Variants in MYBPC2 observed in about 807,000 individuals in gnomAD.
The protein encoded by MYBPC2 is myosin binding protein C2.
In MYBPC2, 122 loss-of-function variants were observed where a neutral mutation model predicts 137.0. The observed-to-expected ratio is 0.89, with a 90% confidence interval of 0.77 to 1.03. The LOEUF is 1.03. MYBPC2 is among the 50% of genes least tolerant of loss of function. The pLI, the probability that MYBPC2 is intolerant of heterozygous loss-of-function variation, is 0.00. For missense variants in MYBPC2, 1,500 were observed against 1,534.4 expected, an observed-to-expected ratio of 0.98 and a Z score of 0.37; for synonymous variants, 626 against 612.3, an observed-to-expected ratio of 1.02 and a Z score of -0.33.
chr19:50,452,488 G>C (rs930155597), intron 16 of MYBPC2, among the ~76,000 whole-genome samples: 5 of 93,542 alleles, frequency 5.3e-5, no homozygotes, highest in African/African-American at 1.7e-4. Context: ...ATGTATGTAT[G>C]TATGTATGTA....
chr19:50,444,411 C>T (rs1220453729), intron 11 of MYBPC2, among the ~76,000 whole-genome samples: 5 of 152,322 alleles, frequency 3.3e-5, no homozygotes, highest in African/African-American at 1.2e-4. Context: ...AGCCATCCAT[C>T]GACCTATCAA....
intron 16 of MYBPC2, 43 bp from the exon 17 acceptor site, chr19:50,453,977 G>A (rs1889844840): frequency 6.5e-7 from 1 of 1,547,896 alleles, no homozygotes; most frequent in Non-Finnish European, 8.7e-7. Flanking sequence ...GGGTTTGCTT[G>A]GGGACACGAT....
At chr19:50,461,476 G>C in intron 24 of MYBPC2, 66 bp from the exon 25 acceptor site, 1 of 1,504,244 alleles carries the variant, frequency 6.6e-7, no homozygotes, top group Non-Finnish European at 9.1e-7. Context: ...TTTCGTCTGT[G>C]TCTTGTGTGT....
intron 26 of MYBPC2, among the ~76,000 whole-genome samples, chr19:50,463,343 C>T (rs746435901): frequency 2.0e-5 from 3 of 152,184 alleles, no homozygotes; most frequent in Non-Finnish European, 4.4e-5. Flanking sequence ...TTATTCGCTT[C>T]AGCCTCCTTA....
Position 50,452,000 on chromosome 19 carries a change from T to G in MYBPC2, c.1746T>G (p.Asp582Glu). The change falls in exon 16 of 28, where the codon GAT becomes GAG. Residue 582 changes from aspartate (D) to glutamate (E), a missense_variant. Transcript: ENST00000357701. ...PPPVATWLKGDEVFTTTEGRT... is the reference protein window; with the variant it reads ...PPPVATWLKGEEVFTTTEGRT... ...CCGTCGCTACCTGGCTGAAGGGAGA[T>G]GAGGTGGGTTGGGGCCGCCCCTCTG... 6.4e-7 allele frequency: 1 copy of G among 1,552,148 alleles called. No individual in the cohort carries two copies. Among genetic ancestry groups the G allele is most frequent in the Non-Finnish European group, 8.7e-7 (1 of 1,147,092 alleles).
At chr19:50,459,333 A>G (rs1601296771) in intron 23 of MYBPC2, 27 bp downstream of exon 23, 1 of 1,307,110 alleles carries the variant, frequency 7.7e-7, no homozygotes. Context: ...GGGCCCCTGG[A>G]GGCCGGGAGG....
At position 50,458,683 on chromosome 19, in the gene MYBPC2, T is replaced by C. The variant is rs770525477; in HGVS notation, c.2435T>C (p.Val812Ala). ...PTGARILFRVVGVNIAGRSEP... is the reference protein window; with the variant it reads ...PTGARILFRVAGVNIAGRSEP... ...GGAGCCAGAATCCTCTTCCGAGTAG[T>C]TGGGGTCAACATCGCGGGGCGCAGC... The change falls in exon 21 of 28, where the codon GTT (valine) becomes GCT (alanine). Residue 812 changes from valine (V) to alanine (A), a missense_variant. Val to Ala is a moderately conservative substitution (Grantham distance 64, BLOSUM62 0). Coordinates refer to ENST00000357701, the MANE Select transcript of MYBPC2 (RefSeq NM_004533.4). The C allele has an allele frequency of 2.1e-5, 34 of 1,612,094 alleles. No individual in the cohort carries two copies. The highest frequency in any genetic ancestry group is 5.5e-5 in the South Asian group (5 of 91,082).
chr19:50,461,163 C>T (rs1173640405), intron 24 of MYBPC2, among the ~76,000 whole-genome samples: 1 of 151,960 alleles, frequency 6.6e-6, no homozygotes, highest in Non-Finnish European at 1.5e-5. Flanking sequence ...GCCACCAGAC[C>T]TGGCTAATTT....
rs2039762439 is a variant in MYBPC2 at position 50,442,220 on chromosome 19, G to A, written c.809G>A (p.Arg270Lys). The A allele has an allele frequency of 6.2e-7, 1 of 1,602,050 alleles. No homozygotes were observed. The highest frequency in any genetic ancestry group is 2.2e-5 in the East Asian group (1 of 44,476). The change falls in exon 9 of 28, where the codon AGA becomes AAA. Residue 270 changes from arginine (R) to lysine (K), a missense_variant. Coordinates refer to ENST00000357701, the MANE Select transcript of MYBPC2 (RefSeq NM_004533.4). ...KKLDPAYQVDRGNKIKLMVEI... is the reference protein window; with the variant it reads ...KKLDPAYQVDKGNKIKLMVEI... ...CTGGATCCAGCCTACCAAGTGGACA[G>A]AGGCAACAAGATCAAGTTGATGGTA...
rs758717895 is a variant in MYBPC2, at chr19:50,442,318, G to A, written c.902+5G>A. 1 of 1,608,134 alleles carries A rather than the reference G, an allele frequency of 6.2e-7. No homozygotes were observed. The highest frequency in any genetic ancestry group is 8.5e-7 in the Non-Finnish European group (1 of 1,177,404). On this transcript the variant is annotated splice_donor_5th_base_variant and intron_variant, in intron 9 of 27. Transcript: ENST00000357701. Reference sequence around the variant, plus strand: ...GGAGATCAAACCAAGCAGCAAGTATGTGTGGGGTGGGCAGTCCCTGCACCG... The same window carrying A: ...GGAGATCAAACCAAGCAGCAAGTATATGTGGGGTGGGCAGTCCCTGCACCG...
In MYBPC2 at chr19:50,459,857, G is replaced by A. The variant is rs550064334; in HGVS notation, c.2792-183G>A. On this transcript the variant is annotated intron_variant, in intron 23 of 27. Coordinates refer to ENST00000357701, the MANE Select transcript of MYBPC2 (RefSeq NM_004533.4). Reference sequence around the variant, plus strand: ...GGGGTGAGGAGAGGAGGTGAGGAGGGATGAGGGTGGCCCAGGATAAGAGGA... The same window carrying A: ...GGGGTGAGGAGAGGAGGTGAGGAGGAATGAGGGTGGCCCAGGATAAGAGGA... Among the ~76,000 whole-genome samples the A allele has an allele frequency of 5.3e-5, 8 of 150,796 alleles. No individual in the cohort carries two copies. The South Asian group carries it at 1.7e-3, about 32-fold the overall frequency.
rs756159592 is a variant in MYBPC2 at position 50,436,731 on chromosome 19, G to A, written c.460G>A (p.Glu154Lys). The A allele has an allele frequency of 6.2e-7, 1 of 1,613,800 alleles. No homozygotes were observed. The highest frequency in any genetic ancestry group is 1.7e-5 in the Admixed American group (1 of 60,028). Residue 154 changes from glutamate (E) to lysine (K), a missense_variant, in exon 5 of 28, where the codon GAG becomes AAG. Physicochemically the swap from Glu to Lys is moderately conservative, Grantham distance 56. Coordinates refer to ENST00000357701, the MANE Select transcript of MYBPC2 (RefSeq NM_004533.4). ...CAGCTGTGGCTTCAACATCGATGTG[G>A]AGGGTATGCTGGTGGGGGATGCGGG... ...CDSCGFNIDV[E>K]APRQDASGQS...
intron 24 of MYBPC2, 110 bp from the exon 25 acceptor site, chr19:50,461,428 ATTTT>A: frequency 8.5e-7 from 1 of 1,180,252 alleles, no homozygotes. Flanking sequence ...CATGAGTGAC[ATTTT>A]TTTAAACACT....
At chr19:50,464,588 C>A in intron 27 of MYBPC2, 56 bp downstream of exon 27, 1 of 1,520,150 alleles carries the variant, frequency 6.6e-7, no homozygotes, top group South Asian at 1.3e-5. Flanking sequence ...CCTGTGCCAG[C>A]CTGGCCGGTG....
At chr19:50,445,584 G>C (rs1157514927) in intron 11 of MYBPC2, among the ~76,000 whole-genome samples, 1 of 151,914 alleles carries the variant, frequency 6.6e-6, no homozygotes, top group Non-Finnish European at 1.5e-5. Context: ...TTAGAGGTGG[G>C]TTTTCACCAT....
At chr19:50,464,037 G>C (rs1267215910) in intron 26 of MYBPC2, among the ~76,000 whole-genome samples, 2 of 152,104 alleles carry the variant, frequency 1.3e-5, no homozygotes, top group Non-Finnish European at 2.9e-5. Flanking sequence ...AGGACAGTGA[G>C]GTAGCCTGTT....
At chr19:50,437,833 C>A in intron 7 of MYBPC2, 115 bp downstream of exon 7, 1 of 1,207,286 alleles carries the variant, frequency 8.3e-7, no homozygotes, top group Non-Finnish European at 1.2e-6. Flanking sequence ...CCTCTACCAC[C>A]TCCATCTGTT....
At chr19:50,452,508 G>GTATGTATGTATCTATCTATCTATC (rs1433850781) in intron 16 of MYBPC2, among the ~76,000 whole-genome samples, 32 of 114,746 alleles carry the variant, frequency 2.8e-4, no homozygotes, top group African/African-American at 5.1e-4. Context: ...ATGTATGTAT[G>GTATGTATGTATCTATCTATCTATC]TATCTATCTA....
At chr19:50,433,446 C>G (rs1421016130) in intron 1 of MYBPC2, among the ~76,000 whole-genome samples, 1 of 151,606 alleles carries the variant, frequency 6.6e-6, no homozygotes, top group Non-Finnish European at 1.5e-5. Flanking sequence ...GCTCTGCCCC[C>G]GGGGCTGGAC....
Sources: gnomAD v4.1 joint callset for allele counts (sites outside exome capture counted in the v4.1 genomes callset) on GRCh38, gnomAD v4.1.1 for gene constraint, MANE v1.5 for transcripts, NCBI Gene and HGNC (gene_info 2026-07-23, HGNC 2026-07-21) for gene names.